ACTL8: variants seen among roughly 807,000 people sequenced by gnomAD.
ACTL8 encodes actin-like protein 8.
Under a neutral mutation model 9.3 loss-of-function variants are expected in ACTL8, and 3 were observed. The observed-to-expected ratio is 0.32, with a 90% confidence interval of 0.15 to 0.83. ACTL8 has a LOEUF of 0.83. Ranked by LOEUF, ACTL8 falls within the 40% of genes least tolerant of loss-of-function variation. ACTL8 has a pLI of 0.57. For missense variants in ACTL8, 381 were observed against 492.2 expected, an observed-to-expected ratio of 0.77 and a Z score of 2.14; for synonymous variants, 224 against 205.9, an observed-to-expected ratio of 1.09 and a Z score of -0.75.
At chr1:17,756,978 G>T (rs928813322) in intron 1 of ACTL8, among the ~76,000 whole-genome samples, 1 of 152,104 alleles carries the variant, frequency 6.6e-6, no homozygotes, top group African/African-American at 2.4e-5. Flanking sequence ...ACATAGGCAG[G>T]CCGGGCACAG....
intron 1 of ACTL8, among the ~76,000 whole-genome samples, chr1:17,756,440 T>TC (rs1041852887): frequency 2.0e-5 from 3 of 152,184 alleles, no homozygotes; most frequent in Non-Finnish European, 4.4e-5. Context: ...CTTCAGAGAC[T>TC]CCATCTCAGC....
chr1:17,755,965 G>A (rs927556125), intron 1 of ACTL8, among the ~76,000 whole-genome samples: 63 of 152,034 alleles, frequency 4.1e-4, no homozygotes, highest in African/African-American at 1.5e-3. Flanking sequence ...GTTCCTTGGG[G>A]GCTCCACGTC....
chr1:17,757,479 C>G (rs1315591793), intron 1 of ACTL8, among the ~76,000 whole-genome samples: 1 of 140,182 alleles, frequency 7.1e-6, no homozygotes, highest in Non-Finnish European at 1.6e-5. Context: ...TGAGCCCACC[C>G]CCCCCACCCC....
At position 17,767,574 on chromosome 1, in the gene ACTL8, C is replaced by T. The variant is rs191695019; in HGVS notation, c.-25+12070C>T. 9.8e-5 allele frequency among the ~76,000 whole-genome samples: 15 copies of T among 152,286 alleles called. No homozygotes were observed. Among genetic ancestry groups the T allele is most frequent in the Non-Finnish European group, 1.9e-4 (13 of 68,020 alleles). On this transcript the variant is annotated intron_variant, in intron 1 of 2. Transcript: ENST00000375406. This position sits in a 1 kb window ranked among gnomAD's most constrained non-coding sequence, Gnocchi z 4.7. The stretch of plus-strand genomic sequence containing the variant: ...GGGTGCATGGCTCCCGGGCACTGCT[C>T]TTTTGTGGCTGCCTTGTCCAGTGGT...
chr1:17,797,090 A>G (rs1377331643), intron 1 of ACTL8, among the ~76,000 whole-genome samples: 1 of 151,836 alleles, frequency 6.6e-6, no homozygotes, highest in Non-Finnish European at 1.5e-5. Flanking sequence ...ACCTGCTACT[A>G]AGAAGCTCTT....
At chr1:17,759,765 C>A (rs759277803) in intron 1 of ACTL8, among the ~76,000 whole-genome samples, 1 of 152,076 alleles carries the variant, frequency 6.6e-6, no homozygotes, top group Admixed American at 6.5e-5. Flanking sequence ...AGAGAAGGTG[C>A]GTTTGCTTGA....
At position 17,826,642 on chromosome 1, in the gene ACTL8, A is replaced by AG; in HGVS notation, c.*127dup. 1.0e-6 allele frequency: 1 copy of AG among 970,428 alleles called. No homozygotes were observed. The highest frequency in any genetic ancestry group is 1.5e-6 in the Non-Finnish European group (1 of 688,916). The allele number at this position is 970,428 out of a possible 1,614,324, so 60.1% of individuals were successfully genotyped here. A position where few individuals can be genotyped will look rare whatever the true frequency, so the allele number is the denominator to read the frequency against. Reference sequence around the variant, plus strand: ...TGGGGTGAGCTGGCTTTGGAATTCTAGGGGCATGAGGGTATTTTTTAGGTT... The same window carrying AG: ...TGGGGTGAGCTGGCTTTGGAATTCTAGGGGGCATGAGGGTATTTTTTAGGTT... On this transcript the variant is annotated 3_prime_UTR_variant, in exon 3 of 3. Coordinates refer to ENST00000375406, the MANE Select transcript of ACTL8 (RefSeq NM_030812.3). This position sits in a 1 kb window ranked among gnomAD's most constrained non-coding sequence, Gnocchi z 4.5.
intron 1 of ACTL8, among the ~76,000 whole-genome samples, chr1:17,814,587 CAGT>C (rs771778061): frequency 1.7e-4 from 26 of 150,910 alleles, no homozygotes; most frequent in Non-Finnish European, 2.8e-4. Context: ...CTACAGTATT[CAGT>C]AGAATAACAC....
intron 1 of ACTL8, among the ~76,000 whole-genome samples, chr1:17,778,164 A>C (rs886401613): frequency 6.6e-6 from 1 of 152,156 alleles, no homozygotes; most frequent in Admixed American, 6.5e-5. Flanking sequence ...TTAGCAGCAA[A>C]AAGCTGTGGG....
chr1:17,774,713 G>T (rs1460299753), intron 1 of ACTL8, among the ~76,000 whole-genome samples: 1 of 152,070 alleles, frequency 6.6e-6, no homozygotes, highest in Non-Finnish European at 1.5e-5. Flanking sequence ...TTGTGGACAA[G>T]GCCACAGCCA....
chr1:17,780,913 A>C (rs1052174412), intron 1 of ACTL8, among the ~76,000 whole-genome samples: 1 of 152,046 alleles, frequency 6.6e-6, no homozygotes. Context: ...TCTCTCTGGG[A>C]CTGGGGGGCT....
chr1:17,824,086 G>A (rs1343695906), intron 2 of ACTL8, among the ~76,000 whole-genome samples: 1 of 152,126 alleles, frequency 6.6e-6, no homozygotes, highest in African/African-American at 2.4e-5. Flanking sequence ...CGCTCAGGAA[G>A]GGCTTCTCTG....
chr1:17,784,251 A>AT (rs2066178672), intron 1 of ACTL8, among the ~76,000 whole-genome samples: 1 of 152,008 alleles, frequency 6.6e-6, no homozygotes, highest in Non-Finnish European at 1.5e-5. Flanking sequence ...GAATTGCTAC[A>AT]TGCTTTTAAA....
At chr1:17,769,468 A>G (rs999410438) in intron 1 of ACTL8, among the ~76,000 whole-genome samples, 1 of 151,232 alleles carries the variant, frequency 6.6e-6, no homozygotes, top group Non-Finnish European at 1.5e-5. Context: ...TTCCTTCCAG[A>G]CAGGGCTGAG....
intron 1 of ACTL8, among the ~76,000 whole-genome samples, chr1:17,820,445 A>C (rs1405953739): frequency 6.6e-6 from 1 of 152,196 alleles, no homozygotes; most frequent in Non-Finnish European, 1.5e-5. Flanking sequence ...GGCAGTTAGG[A>C]ATAAGGCTAT....
chr1:17,813,511 A>G (rs1002102812), intron 1 of ACTL8, among the ~76,000 whole-genome samples: 8 of 152,252 alleles, frequency 5.3e-5, no homozygotes, highest in Middle Eastern at 3.4e-3. Context: ...TTCTTTTTAT[A>G]TATTACTGGG....
intron 1 of ACTL8, among the ~76,000 whole-genome samples, chr1:17,812,710 C>T (rs754815059): frequency 6.6e-6 from 1 of 151,118 alleles, no homozygotes; most frequent in South Asian, 2.1e-4. Flanking sequence ...CCAGGCTGGT[C>T]GTGAACTCCT....
intron 1 of ACTL8, among the ~76,000 whole-genome samples, chr1:17,809,887 C>A (rs970446655): frequency 6.6e-5 from 10 of 152,028 alleles, no homozygotes; most frequent in Admixed American, 5.9e-4. Context: ...GTAAACCAAC[C>A]CCTACTCCAG....
intron 1 of ACTL8, among the ~76,000 whole-genome samples, chr1:17,764,580 C>CCA (rs1224751787): frequency 6.6e-6 from 1 of 152,032 alleles, no homozygotes; most frequent in Non-Finnish European, 1.5e-5. Context: ...CTGGGCACCC[C>CCA]CCCACAGCAT....
Sources: allele counts gnomAD v4.1 joint callset (sites outside exome capture counted in the v4.1 genomes callset), GRCh38; gene constraint gnomAD v4.1.1; non-coding constraint Gnocchi (gnomAD v3.1); transcripts MANE v1.5; gene names NCBI Gene and HGNC (gene_info 2026-07-23, HGNC 2026-07-21).